Variants in TMA16 observed in about 807,000 individuals in gnomAD.
The protein encoded by TMA16 is translation machinery associated 16 homolog.
Under a neutral mutation model 27.1 loss-of-function variants are expected in TMA16, and 26 were observed. The ratio of observed to expected loss-of-function variants is 0.96; its 90% CI spans 0.70 to 1.33. The LOEUF is 1.33. Among genes scored for constraint, TMA16 ranks in the 40% most tolerant of loss-of-function variants. TMA16 has a pLI of 0.00. For missense variants in TMA16, 233 were observed against 241.4 expected (o/e 0.97, Z 0.23); for synonymous variants, 71 against 81.9 (o/e 0.87, Z 0.72).
At chr4:163,505,724 CCTAA>C (rs1321685963) in intron 1 of TMA16, among the ~76,000 whole-genome samples, 2 of 152,022 alleles carry the variant, frequency 1.3e-5, no homozygotes, top group East Asian at 3.9e-4. Context: ...AGACTTGGGA[CCTAA>C]CTGTGAGCTA....
Position 163,514,118 on chromosome 4 carries a change from A to C in TMA16, c.199A>C (p.Lys67Gln), listed in dbSNP as rs1462045875. ...WFQNHLDPQK[K>Q]RYSKKDACEL... ...TCAAAATCATCTTGATCCCCAAAAA[A>C]AGAGATATTCAAAGAAAGATGCTTG... The change falls in exon 4 of 7, where the codon AAG becomes CAG. Residue 67 changes from lysine to glutamine, a missense_variant. Physicochemically the swap from Lys to Gln is moderately conservative, Grantham distance 53 (BLOSUM62 1). Transcript: ENST00000358572. The C allele has an allele frequency of 1.2e-6, 2 of 1,610,330 alleles. No individual in the cohort carries two copies. Among genetic ancestry groups the C allele is most frequent in the East Asian group, 2.2e-5 (1 of 44,690 alleles).
intron 5 of TMA16, among the ~76,000 whole-genome samples, chr4:163,516,881 C>T (rs1423861147): frequency 4.0e-5 from 6 of 151,770 alleles, no homozygotes; most frequent in South Asian, 4.2e-4. Context: ...GTACTTTTCA[C>T]GAAGAAAAAA....
intron 2 of TMA16, among the ~76,000 whole-genome samples, chr4:163,509,060 C>G (rs893709702): frequency 2.6e-5 from 4 of 152,144 alleles, no homozygotes; most frequent in Non-Finnish European, 4.4e-5. Context: ...AAGTCACTCT[C>G]TTAGTAGTCA....
intron 5 of TMA16, among the ~76,000 whole-genome samples, chr4:163,516,320 G>A (rs1737876604): frequency 6.6e-6 from 1 of 152,186 alleles, no homozygotes. Flanking sequence ...ATTCTGTTTT[G>A]ATAAGATTTT....
At chr4:163,512,505 A>C (rs912801872) in intron 2 of TMA16, 3 of 198,906 alleles carry the variant, frequency 1.5e-5, no homozygotes, top group African/African-American at 4.6e-5. Context: ...CTTGTGCTCA[A>C]GTATTCTGCA....
chr4:163,503,039 G>A (rs1737670606), intron 1 of TMA16, among the ~76,000 whole-genome samples: 1 of 152,104 alleles, frequency 6.6e-6, no homozygotes, highest in South Asian at 2.1e-4. Flanking sequence ...TTGTGTTACA[G>A]TTGCCTACAG....
intron 1 of TMA16, among the ~76,000 whole-genome samples, chr4:163,505,286 T>G (rs951097042): frequency 6.6e-6 from 1 of 152,180 alleles, no homozygotes; most frequent in Non-Finnish European, 1.5e-5. Flanking sequence ...AGCAGAGAGA[T>G]ACATAAAAGA....
chr4:163,496,734 G>A (rs980918940), intron 1 of TMA16, among the ~76,000 whole-genome samples: 3 of 151,850 alleles, frequency 2.0e-5, no homozygotes, highest in South Asian at 4.2e-4. Context: ...AGTAGCTGGG[G>A]TTACAGGTGC....
At chr4:163,501,033 GGTA>G (rs1737643704) in intron 1 of TMA16, among the ~76,000 whole-genome samples, 1 of 152,130 alleles carries the variant, frequency 6.6e-6, no homozygotes. Flanking sequence ...TTTTAAATGA[GGTA>G]AACATTTTTA....
Position 163,494,814 on chromosome 4 carries a change from C to G in TMA16, c.3+10C>G, listed in dbSNP as rs1268948512. The G allele has an allele frequency of 6.2e-7, 1 of 1,611,744 alleles. No homozygotes were observed. Among genetic ancestry groups the G allele is most frequent in the Non-Finnish European group, 8.5e-7 (1 of 1,180,036 alleles). ...CGAGGACGTCACCATGGTGGGCCCC[C>G]TCCTGCTCCCCCGAACCGCTCGGTT... On this transcript the variant is annotated intron_variant, in intron 1 of 6. Coordinates refer to ENST00000358572, the MANE Select transcript of TMA16 (RefSeq NM_018352.3).
At chr4:163,496,738 C>T (rs557969931) in intron 1 of TMA16, among the ~76,000 whole-genome samples, 18 of 152,216 alleles carry the variant, frequency 1.2e-4, no homozygotes, top group African/African-American at 4.3e-4. Context: ...GCTGGGGTTA[C>T]AGGTGCCAGC....
At chr4:163,504,871 A>T (rs1247980614) in intron 1 of TMA16, among the ~76,000 whole-genome samples, 1 of 152,046 alleles carries the variant, frequency 6.6e-6, no homozygotes, top group African/African-American at 2.4e-5. Context: ...CTCCTCGTGG[A>T]CTGTTGAACT....
intron 5 of TMA16, 33 bp downstream of exon 5, chr4:163,515,494 A>G: frequency 1.9e-6 from 3 of 1,592,172 alleles, no homozygotes; most frequent in Non-Finnish European, 2.6e-6. Flanking sequence ...TTCCTTTTAT[A>G]TGACATAGCA....
At chr4:163,517,557 C>A in intron 6 of TMA16, 81 bp downstream of exon 6, 1 of 1,266,200 alleles carries the variant, frequency 7.9e-7, no homozygotes, top group Non-Finnish European at 1.1e-6. Flanking sequence ...TGAGTCTAGC[C>A]GGTAGAACTA....
intron 2 of TMA16, chr4:163,512,323 A>T (rs1352902880): frequency 1.3e-5 from 2 of 152,328 alleles, no homozygotes; most frequent in African/African-American, 4.8e-5. Flanking sequence ...AATAGGAGGC[A>T]TGTGTTACCT....
At chr4:163,518,732 T>C (rs10018637) in intron 6 of TMA16, among the ~76,000 whole-genome samples, 2,008 of 152,296 alleles carry the variant, frequency 0.013, 49 homozygotes, top group African/African-American at 0.045. Context: ...TGAGCTTATG[T>C]ATAGCATGTA....
intron 3 of TMA16, among the ~76,000 whole-genome samples, chr4:163,513,088 C>A (rs1362764561): frequency 6.6e-6 from 1 of 152,070 alleles, no homozygotes; most frequent in African/African-American, 2.4e-5. Flanking sequence ...TACCTACCTA[C>A]CTGTCTACAC....
At chr4:163,495,507 ACTT>A (rs1737536793) in intron 1 of TMA16, among the ~76,000 whole-genome samples, 1 of 152,154 alleles carries the variant, frequency 6.6e-6, no homozygotes, top group Non-Finnish European at 1.5e-5. Flanking sequence ...TAATTTCACT[ACTT>A]TTCTTTATAG....
chr4:163,507,267 C>A, intron 2 of TMA16, 122 bp downstream of exon 2: 3 of 879,952 alleles, frequency 3.4e-6, no homozygotes, highest in Non-Finnish European at 5.1e-6. Flanking sequence ...TAAGTGTGTT[C>A]TGTATGCAGA....
Sources: gnomAD v4.1 joint callset for allele counts (sites outside exome capture counted in the v4.1 genomes callset) on GRCh38, gnomAD v4.1.1 for gene constraint, MANE v1.5 for transcripts, NCBI Gene and HGNC (gene_info 2026-07-23, HGNC 2026-07-21) for gene names.